Variants in RAP1GAP2 observed in about 807,000 individuals in gnomAD.
RAP1GAP2 encodes the protein rap1 GTPase-activating protein 2.
In RAP1GAP2, 27 loss-of-function variants were observed where a neutral mutation model predicts 95.0. The ratio of observed to expected loss-of-function variants is 0.28; its 90% CI spans 0.21 to 0.39. The LOEUF (loss-of-function observed/expected upper bound fraction) is 0.39. RAP1GAP2 is among the 10% of genes least tolerant of loss of function. The pLI, the probability that RAP1GAP2 is intolerant of heterozygous loss-of-function variation, is 1.00. For synonymous variants in RAP1GAP2, 373 were observed against 380.9 expected, an observed-to-expected ratio of 0.98 and a Z score of 0.24; for missense variants, 771 against 970.0, an observed-to-expected ratio of 0.79 and a Z score of 2.72.
At chr17:2,875,758 C>T (rs1295520264) in intron 2 of RAP1GAP2, among the ~76,000 whole-genome samples, 2 of 152,062 alleles carry the variant, frequency 1.3e-5, no homozygotes, top group Non-Finnish European at 2.9e-5. Context: ...TGGCCTTCCA[C>T]CTGCTGTCGT....
At position 3,027,264 on chromosome 17, in the gene RAP1GAP2, A is replaced by C. The variant is rs149771553; in HGVS notation, c.2107+194A>C. Among the ~76,000 whole-genome samples the C allele has an allele frequency of 1.4e-4, 22 of 152,242 alleles. No homozygotes were observed. The highest frequency in any genetic ancestry group is 5.1e-4 in the African/African-American group (21 of 41,558). Reference sequence around the variant, plus strand: ...GCCCAAGTTCCTAAGCTCTTCTTACACTGAGAGTTGTGAAGCTGAGGCAGA... The same window carrying C: ...GCCCAAGTTCCTAAGCTCTTCTTACCCTGAGAGTTGTGAAGCTGAGGCAGA... On this transcript the variant is annotated intron_variant, in intron 22 of 24. Transcript: ENST00000254695. The surrounding 1 kb of genome is among the most constrained non-coding windows in gnomAD (Gnocchi z 5.2).
chr17:3,002,271 T>G (rs1353972849), intron 14 of RAP1GAP2, among the ~76,000 whole-genome samples: 2 of 152,188 alleles, frequency 1.3e-5, no homozygotes, highest in Non-Finnish European at 2.9e-5. Context: ...GTCTTTACTC[T>G]TTCTTCTAAG....
chr17:2,955,979 G>T (rs541196790), intron 3 of RAP1GAP2, among the ~76,000 whole-genome samples: 1 of 152,166 alleles, frequency 6.6e-6, no homozygotes, highest in East Asian at 1.9e-4. Flanking sequence ...GTTAGAGGAT[G>T]GATTGTTAGA....
chr17:2,774,465 G>A (rs967156242), upstream of RAP1GAP2, among the ~76,000 whole-genome samples: 1 of 147,090 alleles, frequency 6.8e-6, no homozygotes, highest in Non-Finnish European at 1.5e-5. Context: ...CTATGGGCTG[G>A]TCACCCCTGC....
intron 3 of RAP1GAP2, among the ~76,000 whole-genome samples, chr17:2,931,807 C>T (rs1199672016): frequency 1.2e-4 from 19 of 152,208 alleles, no homozygotes; most frequent in Non-Finnish European, 1.5e-5. Flanking sequence ...AGTGAGGAGG[C>T]TGGCGCCTTG....
chr17:3,006,409 C>T (rs1015683833), intron 16 of RAP1GAP2, among the ~76,000 whole-genome samples: 9 of 150,214 alleles, frequency 6.0e-5, no homozygotes, highest in East Asian at 2.0e-4. Flanking sequence ...GGATTACAGG[C>T]GTGAGCCACT....
chr17:2,914,483 G>C (rs370362485), intron 3 of RAP1GAP2, among the ~76,000 whole-genome samples: 1 of 151,848 alleles, frequency 6.6e-6, no homozygotes, highest in South Asian at 2.1e-4. Flanking sequence ...AGTCAAGTTC[G>C]TTTCTTTTCT....
chr17:2,801,139 C>T (rs1216490765), intron 2 of RAP1GAP2, among the ~76,000 whole-genome samples: 4 of 151,448 alleles, frequency 2.6e-5, no homozygotes, highest in African/African-American at 7.3e-5. Flanking sequence ...TGAGCCACTG[C>T]GCCTAGCCCA....
chr17:2,959,400 C>A (rs2044231241), intron 4 of RAP1GAP2, among the ~76,000 whole-genome samples: 1 of 152,132 alleles, frequency 6.6e-6, no homozygotes, highest in Non-Finnish European at 1.5e-5. Flanking sequence ...CGTGCCTGTT[C>A]CCTTTCAGTT....
chr17:3,018,110 A>G lies in RAP1GAP2; in HGVS notation c.1544A>G (p.Gln515Arg). The G allele has an allele frequency of 6.3e-7, 1 of 1,591,588 alleles. No homozygotes were observed. The highest frequency in any genetic ancestry group is 8.6e-7 in the Non-Finnish European group (1 of 1,169,400). ...TCCATGGAGACCATGGTGGGCGGCC[A>G]GAAGAAGTCGCACAGTGGGGGCATC... is the stretch of plus-strand genomic sequence containing the variant. Reference protein sequence around the residue: ...SHSMETMVGGQKKSHSGGIPG... With the variant: ...SHSMETMVGGRKKSHSGGIPG... Residue 515 changes from glutamine to arginine, a missense_variant, in exon 18 of 25, where the codon CAG becomes CGG. Gln to Arg is a conservative substitution (Grantham distance 43). Coordinates refer to ENST00000254695, the MANE Select transcript of RAP1GAP2 (RefSeq NM_015085.5).
rs575126663 is a variant in RAP1GAP2 at position 2,881,620 on chromosome 17, G to A, written c.81-23664G>A. ...TGTTGCTATGAACACTTGTGTACATGTTTTTGTTTGGAAATGTTTTCTGGA... is the reference window on the plus strand; with the variant it reads ...TGTTGCTATGAACACTTGTGTACATATTTTTGTTTGGAAATGTTTTCTGGA... On this transcript the variant is annotated intron_variant, in intron 2 of 24. Coordinates refer to ENST00000254695, the MANE Select transcript of RAP1GAP2 (RefSeq NM_015085.5). 9.9e-5 allele frequency among the ~76,000 whole-genome samples: 15 copies of A among 152,268 alleles called. 1 individual carries two copies. The South Asian group carries it at 3.1e-3, about 32-fold the overall frequency.
rs1308281691 is a variant in RAP1GAP2 at position 2,818,418 on chromosome 17, G to A, written c.80+17868G>A. 4.6e-5 allele frequency among the ~76,000 whole-genome samples: 7 copies of A among 150,908 alleles called. No homozygotes were observed. The South Asian group carries it at 1.3e-3, about 27-fold the overall frequency. On this transcript the variant is annotated intron_variant, in intron 2 of 24. Transcript: ENST00000254695. ...TGGCTCACTGCAACCTCCGCCTCCCGGTTCAAGTAATTCTCCTGCCTCAGC... is the reference window on the plus strand; with the variant it reads ...TGGCTCACTGCAACCTCCGCCTCCCAGTTCAAGTAATTCTCCTGCCTCAGC...
chr17:2,839,278 C>T (rs941940398), intron 2 of RAP1GAP2, among the ~76,000 whole-genome samples: 11 of 151,746 alleles, frequency 7.2e-5, no homozygotes, highest in Non-Finnish European at 1.6e-4. Flanking sequence ...CCACTGCACT[C>T]CAGCCTGGGC....
intron 2 of RAP1GAP2, among the ~76,000 whole-genome samples, chr17:2,889,889 A>ATATATATATATATATATATTT (rs1408426152): frequency 8.7e-5 from 5 of 57,312 alleles, no homozygotes; most frequent in Non-Finnish European, 1.2e-4. Context: ...ATATATATAT[A>ATATATATATATATATATATTT]TTTTTTTTTT....
upstream of RAP1GAP2, among the ~76,000 whole-genome samples, chr17:2,775,638 C>T (rs9894753): frequency 0.34 from 51,026 of 151,866 alleles, 9,016 homozygotes; most frequent in South Asian, 0.49. Flanking sequence ...GAAGCGAAAA[C>T]TTCTGTGCAA....
chr17:3,032,571 A>G (rs207476265), intron 24 of RAP1GAP2, 122 bp downstream of exon 24: 1 of 966,220 alleles, frequency 1.0e-6, no homozygotes, highest in Non-Finnish European at 1.6e-6. Flanking sequence ...GGGGATGTCC[A>G]AAGAGTCTCC....
At chr17:2,942,636 GCT>G (rs997205305) in intron 3 of RAP1GAP2, among the ~76,000 whole-genome samples, 23 of 152,152 alleles carry the variant, frequency 1.5e-4, no homozygotes, top group African/African-American at 5.3e-4. Context: ...TCAGTCTCAT[GCT>G]CTTTTTCTCT....
intron 10 of RAP1GAP2, among the ~76,000 whole-genome samples, chr17:2,982,683 G>A (rs1307098906): frequency 6.6e-6 from 1 of 152,044 alleles, no homozygotes; most frequent in African/African-American, 2.4e-5. Flanking sequence ...GGTTTAACCA[G>A]ACATTAAAAT....
chr17:2,866,824 TC>T lies in RAP1GAP2; in HGVS notation c.81-38458del, dbSNP rs1472076553. The stretch of plus-strand genomic sequence containing the variant: ...CACGTTGGCCGGGCTGGTCTCGAAC[TC>T]CTGGCCTCAAGCGATCTGCCTGTCT... On this transcript the variant is annotated intron_variant, in intron 2 of 24. Coordinates refer to ENST00000254695, the MANE Select transcript of RAP1GAP2 (RefSeq NM_015085.5). The surrounding 1 kb of genome is among the most constrained non-coding windows in gnomAD (Gnocchi z 4.0). Among the ~76,000 whole-genome samples, 2 of 152,088 alleles carry T rather than the reference TC, an allele frequency of 1.3e-5. No individual in the cohort carries two copies. Among genetic ancestry groups the T allele is most frequent in the Non-Finnish European group, 2.9e-5 (2 of 68,032 alleles).
Sources: gnomAD v4.1 joint callset for allele counts (sites outside exome capture counted in the v4.1 genomes callset) on GRCh38, gnomAD v4.1.1 for gene constraint, Gnocchi (gnomAD v3.1) non-coding constraint, MANE v1.5 for transcripts, NCBI Gene and HGNC (gene_info 2026-07-23, HGNC 2026-07-21) for gene names.